Variants in ZNF236 observed in about 807,000 individuals in gnomAD.
ZNF236 encodes zinc finger protein 236, also known as regulated by glucose.
A neutral mutation model predicts 191.2 loss-of-function variants in ZNF236; 50 were observed. That is an observed-to-expected ratio of 0.26 (90% CI 0.21 to 0.33). The LOEUF (loss-of-function observed/expected upper bound fraction) is 0.33. ZNF236 is among the 10% of genes least tolerant of loss of function. The pLI, the probability that ZNF236 is intolerant of heterozygous loss-of-function variation, is 1.00. For synonymous variants in ZNF236, 907 were observed against 928.8 expected (o/e 0.98, Z 0.43); for missense variants, 1,754 against 2,374.5 (o/e 0.74, Z 5.43).
chr18:76,925,155 C>T lies in ZNF236; in HGVS notation c.3662-34C>T, dbSNP rs771277032. The T allele has an allele frequency of 5.0e-6, 8 of 1,595,820 alleles. No individual in the cohort carries two copies. The Admixed American group carries it at 6.8e-5, about 14-fold the overall frequency. ...TGGGGGTGAGTGTCGCGACTGCCAT[C>T]GCCTCTGTTGATTCTTGGCTGGGCT... On this transcript the variant is annotated intron_variant, in intron 21 of 30. Transcript: ENST00000320610. The surrounding 1 kb of genome is among the most constrained non-coding windows in gnomAD (Gnocchi z 5.7).
chr18:76,875,497 A>AGGCC lies in ZNF236; in HGVS notation c.675_678dup (p.Phe227AlafsTer5). 6.6e-7 allele frequency: 1 copy of AGGCC among 1,523,490 alleles called. No homozygotes were observed. The highest frequency in any genetic ancestry group is 8.9e-7 in the Non-Finnish European group (1 of 1,129,630). The allele number at this position is 1,523,490 out of a possible 1,614,324, so 94.4% of individuals were successfully genotyped here. ...TCATTTTTCTCCCACTCTAGGTGAA[A>AGGCC]GGCCGTTCAAATGTAGTGAATGTGG... On this transcript the variant is annotated frameshift_variant, in exon 6 of 31. Transcript: ENST00000320610. LOFTEE classifies it high-confidence loss of function. This position sits in a 1 kb window ranked among gnomAD's most constrained non-coding sequence, Gnocchi z 4.3.
At chr18:76,848,735 C>T (rs76121215) in intron 1 of ZNF236, among the ~76,000 whole-genome samples, 2,430 of 152,188 alleles carry the variant, frequency 0.016, 30 homozygotes, top group Middle Eastern at 0.02. Flanking sequence ...GTGGGATCAT[C>T]GGTCACTACG....
chr18:76,927,893 T>G lies in ZNF236; in HGVS notation c.4415-34T>G. 1 of 1,488,750 alleles carries G rather than the reference T, an allele frequency of 6.7e-7. No individual in the cohort carries two copies. The highest frequency in any genetic ancestry group is 9.0e-7 in the Non-Finnish European group (1 of 1,112,356). The allele number at this position is 1,488,750 out of a possible 1,614,324, so 92.2% of individuals were successfully genotyped here. ...AACAGGGGAAATTGGTTATTTTGAATCTCAACTTTGTTTTGCTTTGTAATG... is the reference window on the plus strand; with the variant it reads ...AACAGGGGAAATTGGTTATTTTGAAGCTCAACTTTGTTTTGCTTTGTAATG... On this transcript the variant is annotated intron_variant, in intron 24 of 30. Transcript: ENST00000320610. The surrounding 1 kb of genome is among the most constrained non-coding windows in gnomAD (Gnocchi z 5.4).
At position 76,959,830 on chromosome 18, in the gene ZNF236, A is replaced by G. The variant is rs1449606455; in HGVS notation, c.5242+14A>G. The G allele has an allele frequency of 6.2e-7, 1 of 1,611,546 alleles. No homozygotes were observed. Among genetic ancestry groups the G allele is most frequent in the South Asian group, 1.1e-5 (1 of 90,658 alleles). ...GCATACATACAGGTAACGGGGAAGG[A>G]CGTGCTTTTGTTTCCTTACTCTTTG... On this transcript the variant is annotated intron_variant, in intron 29 of 30. Transcript: ENST00000320610.
At chr18:76,963,947 T>G (rs553938540) in intron 30 of ZNF236, among the ~76,000 whole-genome samples, 1 of 152,348 alleles carries the variant, frequency 6.6e-6, no homozygotes, top group East Asian at 1.9e-4. Context: ...ATTGAGCTTA[T>G]TTGGATTTCC....
At chr18:76,886,651 G>T in intron 9 of ZNF236, 1 of 154,588 alleles carries the variant, frequency 6.5e-6, no homozygotes. Context: ...TGAAGCTTGA[G>T]CTAGCCGGTC....
In ZNF236 at chr18:76,878,102, G is replaced by A; in HGVS notation, c.934G>A (p.Gly312Ser). The change falls in exon 7 of 31, where the codon GGT becomes AGT. Residue 312 changes from glycine to serine, a missense_variant. By Grantham distance (56) the Gly-to-Ser change is moderately conservative. Transcript: ENST00000320610. Reference protein sequence around the residue: ...LNTHISKMHMGGPQNSTSSTE... With the variant: ...LNTHISKMHMSGPQNSTSSTE... ...CACGCATATCAGCAAGATGCATATG[G>A]GTGGGCCACAGAATTCAACAAGTTC... 6.2e-7 allele frequency: 1 copy of A among 1,613,316 alleles called. No homozygotes were observed. Among genetic ancestry groups the A allele is most frequent in the Non-Finnish European group, 8.5e-7 (1 of 1,179,518 alleles).
chr18:76,845,588 T>C (rs1357909771), intron 1 of ZNF236, among the ~76,000 whole-genome samples: 1 of 152,108 alleles, frequency 6.6e-6, no homozygotes, highest in African/African-American at 2.4e-5. Flanking sequence ...CGGTGGCTCA[T>C]GCCTGTAATC....
rs1279433469 is a variant in ZNF236 at position 76,968,331 on chromosome 18, G to A, written c.5536G>A (p.Val1846Ile). ...CGGCGAGTGGCAGGCCCTCACCCAC[G>A]TCTTCTGATGCGAGTTGGAAGTACA... ...AAGEWQALTH[V>I]F is the part of the protein sequence containing the mutation. Residue 1846 changes from valine to isoleucine, a missense_variant, in exon 31 of 31, where the codon GTC becomes ATC. By Grantham distance (29) the Val-to-Ile change is conservative. Around this residue, in one of 5 missense-constraint regions of ZNF236, gnomAD observed 606 missense variants for 761.5 expected, o/e 0.80. Transcript: ENST00000320610. 3.1e-6 allele frequency: 5 copies of A among 1,606,096 alleles called. No individual in the cohort carries two copies. The African/African-American group carries it at 4.0e-5, about 13-fold the overall frequency.
chr18:76,932,202 G>A (rs765611971), intron 25 of ZNF236, among the ~76,000 whole-genome samples: 2 of 152,176 alleles, frequency 1.3e-5, no homozygotes, highest in African/African-American at 2.4e-5. Flanking sequence ...GTCACAGGGG[G>A]TGGCTCTGTG....
intron 1 of ZNF236, chr18:76,834,907 ACT>A (rs1483733970): frequency 1.9e-5 from 5 of 259,468 alleles, no homozygotes; most frequent in Non-Finnish European, 3.1e-5. Context: ...CTCCCGCTTC[ACT>A]GATGGTCACA....
At chr18:76,929,665 G>T (rs1967797103) in intron 25 of ZNF236, among the ~76,000 whole-genome samples, 1 of 152,202 alleles carries the variant, frequency 6.6e-6, no homozygotes, top group Non-Finnish European at 1.5e-5. Flanking sequence ...AACCTTAAAT[G>T]AGTTAATGAA....
intron 1 of ZNF236, among the ~76,000 whole-genome samples, chr18:76,844,027 G>A (rs1011977106): frequency 2.0e-5 from 3 of 151,720 alleles, no homozygotes; most frequent in African/African-American, 4.8e-5. Context: ...CTGAGGCGGC[G>A]TCAGGAGTTC....
At chr18:76,871,111 A>G (rs1976573060) in intron 4 of ZNF236, among the ~76,000 whole-genome samples, 1 of 152,228 alleles carries the variant, frequency 6.6e-6, no homozygotes, top group Non-Finnish European at 1.5e-5. Flanking sequence ...GAGATGGACT[A>G]GAAAAATCCA....
chr18:76,947,150 G>C (rs1240793835), intron 26 of ZNF236, among the ~76,000 whole-genome samples: 2 of 152,034 alleles, frequency 1.3e-5, no homozygotes, highest in African/African-American at 4.8e-5. Flanking sequence ...GTGGTCTTTT[G>C]TGACTGGCTT....
chr18:76,932,617 A>G (rs957959483), intron 25 of ZNF236, among the ~76,000 whole-genome samples: 1 of 152,192 alleles, frequency 6.6e-6, no homozygotes, highest in East Asian at 1.9e-4. Flanking sequence ...AGATGTCTGG[A>G]TTCATGCCCT....
In ZNF236 at chr18:76,908,260, CCCAGGCAAGTAA is replaced by C. The variant is rs146628619; in HGVS notation, c.2298-57_2298-46del. ...AATGACAACTCTTTCACTGTAGTAT[CCCAGGCAAGTAA>C]CCTTTGACAGCATCTAACCTGATGA... On this transcript the variant is annotated intron_variant, in intron 13 of 30. Coordinates refer to ENST00000320610, the MANE Select transcript of ZNF236 (RefSeq NM_001306089.2). 4,797 of 1,558,974 alleles carry C rather than the reference CCCAGGCAAGTAA, an allele frequency of 3.1e-3. 113 individuals carry two copies. The African/African-American group carries it at 0.058, about 19-fold the overall frequency.
Position 76,879,830 on chromosome 18 carries a change from C to A in ZNF236, c.985-283C>A, listed in dbSNP as rs529581955. 2.6e-5 allele frequency among the ~76,000 whole-genome samples: 4 copies of A among 152,230 alleles called. No individual in the cohort carries two copies. In the South Asian group the frequency reaches 8.3e-4, roughly 32 times the overall value. Reference sequence around the variant, plus strand: ...CCTTCACTTCAATTTTATGGGCTAACAGGAAGGTGAGGGTTCACGTGCTCA... The same window carrying A: ...CCTTCACTTCAATTTTATGGGCTAAAAGGAAGGTGAGGGTTCACGTGCTCA... On this transcript the variant is annotated intron_variant, in intron 7 of 30. Transcript: ENST00000320610.
chr18:76,824,984 T>G lies in ZNF236; in HGVS notation c.55+2322T>G, dbSNP rs570409923. Among the ~76,000 whole-genome samples the G allele has an allele frequency of 2.0e-5, 3 of 152,350 alleles. No homozygotes were observed. In the East Asian group the frequency reaches 5.8e-4, roughly 29 times the overall value. Reference sequence around the variant, plus strand: ...TGTAAATCAGATGGCTACACCCTGATTAAAAGCGTGCATTGGCTTCCTCAT... The same window carrying G: ...TGTAAATCAGATGGCTACACCCTGAGTAAAAGCGTGCATTGGCTTCCTCAT... On this transcript the variant is annotated intron_variant, in intron 1 of 30. Transcript: ENST00000320610.
Sources: allele counts gnomAD v4.1 joint callset (sites outside exome capture counted in the v4.1 genomes callset), GRCh38; gene constraint gnomAD v4.1.1; regional missense constraint gnomAD v4.1.1; non-coding constraint Gnocchi (gnomAD v3.1); transcripts MANE v1.5; gene names NCBI Gene and HGNC (gene_info 2026-07-23, HGNC 2026-07-21).